TSPAN18: variants seen among roughly 807,000 people sequenced by gnomAD.
The protein encoded by TSPAN18 is tetraspanin-18.
Under a neutral mutation model 27.3 loss-of-function variants are expected in TSPAN18, and 14 were observed. That is an observed-to-expected ratio of 0.51 (90% CI 0.34 to 0.80). The LOEUF is 0.80. Among genes scored for constraint, TSPAN18 ranks in the 30% least tolerant of loss-of-function variants. The probability of loss-of-function intolerance (pLI) is 0.01; values close to 1 mark genes in which losing one functional copy is unlikely to be tolerated. For synonymous variants in TSPAN18, 143 were observed against 136.5 expected, an observed-to-expected ratio of 1.05 and a Z score of -0.33; for missense variants, 268 against 323.9, an observed-to-expected ratio of 0.83 and a Z score of 1.32.
intron 2 of TSPAN18, among the ~76,000 whole-genome samples, chr11:44,782,562 A>G (rs1225641462): frequency 6.8e-6 from 1 of 147,744 alleles, no homozygotes; most frequent in Admixed American, 6.7e-5. Flanking sequence ...AAAAAAAAAA[A>G]GAAAGAAAAG....
intron 2 of TSPAN18, among the ~76,000 whole-genome samples, chr11:44,846,879 C>T (rs1472840435): frequency 6.6e-6 from 1 of 152,182 alleles, no homozygotes; most frequent in African/African-American, 2.4e-5. Flanking sequence ...TGAACCCAGC[C>T]TATTAAAAAC....
At chr11:44,811,092 T>C (rs1484613413) in intron 2 of TSPAN18, among the ~76,000 whole-genome samples, 1 of 151,284 alleles carries the variant, frequency 6.6e-6, no homozygotes, top group Non-Finnish European at 1.5e-5. Flanking sequence ...CAGTTGAAAC[T>C]CTTTTATATC....
intron 1 of TSPAN18, among the ~76,000 whole-genome samples, chr11:44,751,004 C>A (rs564685342): frequency 4.3e-4 from 66 of 152,150 alleles, no homozygotes; most frequent in Non-Finnish European, 8.8e-4. Context: ...TAAACCAATT[C>A]TTTAGTGTGG....
chr11:44,835,757 A>C (rs1590553666), intron 2 of TSPAN18, among the ~76,000 whole-genome samples: 1 of 152,334 alleles, frequency 6.6e-6, no homozygotes, highest in East Asian at 1.9e-4. Context: ...GCATAGAGCA[A>C]ATCTATCAGC....
At chr11:44,840,272 G>C (rs766636619) in intron 2 of TSPAN18, among the ~76,000 whole-genome samples, 2 of 152,176 alleles carry the variant, frequency 1.3e-5, no homozygotes, top group African/African-American at 2.4e-5. Context: ...GCCAGGGAGT[G>C]GGGGAGGCAG....
At chr11:44,893,323 A>G (rs1446894658) in intron 3 of TSPAN18, among the ~76,000 whole-genome samples, 1 of 152,222 alleles carries the variant, frequency 6.6e-6, no homozygotes, top group African/African-American at 2.4e-5. Flanking sequence ...TTGCATCCAC[A>G]GCAGGCTGTG....
chr11:44,761,494 A>G (rs373972252), intron 1 of TSPAN18, among the ~76,000 whole-genome samples: 3 of 152,306 alleles, frequency 2.0e-5, no homozygotes, highest in African/African-American at 7.2e-5. Context: ...GGGAATTAGG[A>G]TTAGTGCTGG....
intron 2 of TSPAN18, among the ~76,000 whole-genome samples, chr11:44,802,433 A>C (rs941116617): frequency 3.3e-5 from 5 of 152,024 alleles, no homozygotes; most frequent in African/African-American, 4.8e-5. Flanking sequence ...AGAGAGTTTT[A>C]AGCAGAGAAG....
At chr11:44,833,167 T>A (rs953116505) in intron 2 of TSPAN18, among the ~76,000 whole-genome samples, 10 of 151,938 alleles carry the variant, frequency 6.6e-5, no homozygotes, top group African/African-American at 2.4e-4. Flanking sequence ...CTGGACACAA[T>A]GGACAGGGCA....
intron 3 of TSPAN18, among the ~76,000 whole-genome samples, chr11:44,902,506 C>G (rs1395267579): frequency 6.6e-6 from 1 of 152,188 alleles, no homozygotes; most frequent in Non-Finnish European, 1.5e-5. Context: ...AAGGAAGAGC[C>G]AAAGGCCCCA....
intron 5 of TSPAN18, among the ~76,000 whole-genome samples, chr11:44,913,761 A>G (rs1018650499): frequency 4.6e-5 from 7 of 152,246 alleles, no homozygotes; most frequent in African/African-American, 1.7e-4. Context: ...TAATTTTTCC[A>G]TCCTAAGGAA....
intron 2 of TSPAN18, among the ~76,000 whole-genome samples, chr11:44,843,597 C>T (rs1409258699): frequency 6.6e-6 from 1 of 152,134 alleles, no homozygotes. Context: ...CCTAATAAGC[C>T]TGGGAGCTCT....
At chr11:44,889,115 G>A (rs1330513673) in intron 3 of TSPAN18, among the ~76,000 whole-genome samples, 1 of 152,252 alleles carries the variant, frequency 6.6e-6, no homozygotes, top group African/African-American at 2.4e-5. Context: ...CTAACTGTGA[G>A]TCTTTTAGTT....
At chr11:44,900,768 A>T (rs1230672861) in intron 3 of TSPAN18, among the ~76,000 whole-genome samples, 1 of 124,660 alleles carries the variant, frequency 8.0e-6, no homozygotes, top group African/African-American at 3.1e-5. Flanking sequence ...ATCTCGGCTC[A>T]CTGCCACCTC....
At position 44,929,255 on chromosome 11, in the gene TSPAN18, G is replaced by A. The variant is rs921830645; in HGVS notation, c.*77G>A. ...CCAGTGTCCTCCCGTGCCCCTCCCC[G>A]CTGTCCTCTTGGCCCCAGGGGAGAA... On this transcript the variant is annotated 3_prime_UTR_variant, in exon 10 of 10. Transcript: ENST00000520358. 2.3e-5 allele frequency: 36 copies of A among 1,574,218 alleles called. No homozygotes were observed. The African/African-American group carries it at 2.4e-4, about 11-fold the overall frequency.
chr11:44,837,010 C>T (rs1333222786), intron 2 of TSPAN18, among the ~76,000 whole-genome samples: 1 of 152,218 alleles, frequency 6.6e-6, no homozygotes, highest in African/African-American at 2.4e-5. Context: ...TTCCTGCCTG[C>T]TAAGACACAT....
At chr11:44,802,409 A>G (rs1043822666) in intron 2 of TSPAN18, among the ~76,000 whole-genome samples, 3 of 152,004 alleles carry the variant, frequency 2.0e-5, no homozygotes, top group Non-Finnish European at 2.9e-5. Flanking sequence ...TTCTAAGTGC[A>G]ATGAGAAGCC....
At chr11:44,908,500 A>G (rs905381581) in intron 4 of TSPAN18, among the ~76,000 whole-genome samples, 2 of 152,044 alleles carry the variant, frequency 1.3e-5, no homozygotes, top group Admixed American at 6.6e-5. Context: ...TTGGGAGGCC[A>G]AGGCAGGAGG....
intron 2 of TSPAN18, among the ~76,000 whole-genome samples, chr11:44,799,168 TCTC>T (rs1479841279): frequency 6.6e-6 from 1 of 152,012 alleles, no homozygotes; most frequent in Non-Finnish European, 1.5e-5. Context: ...ACTGTGGGCT[TCTC>T]CTGCCCCCTC....
Sources: allele counts gnomAD v4.1 joint callset (sites outside exome capture counted in the v4.1 genomes callset), GRCh38; gene constraint gnomAD v4.1.1; transcripts MANE v1.5; gene names NCBI Gene and HGNC (gene_info 2026-07-23, HGNC 2026-07-21).